Variants in FPR3 observed in about 807,000 individuals in gnomAD.
FPR3 encodes the protein formyl peptide receptor 3.
For synonymous variants in FPR3, 135 were observed against 163.6 expected, an observed-to-expected ratio of 0.83 and a Z score of 1.34; for missense variants, 346 against 443.2, an observed-to-expected ratio of 0.78 and a Z score of 1.97.
intron 1 of FPR3, among the ~76,000 whole-genome samples, chr19:51,810,846 T>C (rs1484298613): frequency 6.6e-6 from 1 of 152,176 alleles, no homozygotes; most frequent in Admixed American, 6.5e-5. Context: ...AATAACCTGC[T>C]GTGGATTGTT....
intron 1 of FPR3, among the ~76,000 whole-genome samples, chr19:51,819,860 A>G (rs993531618): frequency 3.9e-5 from 6 of 152,224 alleles, no homozygotes. Context: ...CTTGGTAACA[A>G]GAAGGATCTA....
intron 1 of FPR3, among the ~76,000 whole-genome samples, chr19:51,818,239 T>G (rs990170323): frequency 5.3e-5 from 8 of 152,230 alleles, no homozygotes; most frequent in Non-Finnish European, 1.2e-4. Flanking sequence ...ATTAATAATT[T>G]TTATTCTGAT....
chr19:51,807,133 G>T (rs1363849456), intron 1 of FPR3, among the ~76,000 whole-genome samples: 1 of 152,188 alleles, frequency 6.6e-6, no homozygotes, highest in African/African-American at 2.4e-5. Flanking sequence ...GAAGCGGTCA[G>T]GGGGCAGCTT....
chr19:51,800,859 A>C (rs183010337), intron 1 of FPR3, among the ~76,000 whole-genome samples: 1 of 152,334 alleles, frequency 6.6e-6, no homozygotes, highest in East Asian at 1.9e-4. Flanking sequence ...TAGGAAATAA[A>C]AAGTATATAA....
chr19:51,801,752 G>C (rs1354280056), intron 1 of FPR3, among the ~76,000 whole-genome samples: 1 of 152,236 alleles, frequency 6.6e-6, no homozygotes. Context: ...CTGCACTCCA[G>C]CTGCACGAAT....
intron 1 of FPR3, among the ~76,000 whole-genome samples, chr19:51,797,970 C>T (rs2084009790): frequency 7.0e-6 from 1 of 143,280 alleles, no homozygotes; most frequent in Non-Finnish European, 1.5e-5. Flanking sequence ...CAACCTCTGC[C>T]TCCTGGGTTC....
chr19:51,808,016 A>C (rs1352961699), intron 1 of FPR3, among the ~76,000 whole-genome samples: 2 of 152,266 alleles, frequency 1.3e-5, no homozygotes, highest in African/African-American at 2.4e-5. Context: ...AGTAGGGGGT[A>C]GGAAGAATAA....
intron 1 of FPR3, among the ~76,000 whole-genome samples, chr19:51,823,185 T>C (rs2084203541): frequency 6.6e-6 from 1 of 152,158 alleles, no homozygotes; most frequent in East Asian, 1.9e-4. Flanking sequence ...TATATGTCTA[T>C]ATATTACAAG....
chr19:51,807,159 T>C (rs1199806171), intron 1 of FPR3, among the ~76,000 whole-genome samples: 1 of 152,102 alleles, frequency 6.6e-6, no homozygotes, highest in Admixed American at 6.5e-5. Context: ...TAGTGGACAA[T>C]GGCCCTGAGC....
At chr19:51,807,475 G>A (rs756549671) in intron 1 of FPR3, among the ~76,000 whole-genome samples, 4 of 152,204 alleles carry the variant, frequency 2.6e-5, no homozygotes, top group African/African-American at 7.2e-5. Flanking sequence ...ATGGGCCTTC[G>A]GGTCCCTGCA....
chr19:51,800,183 G>A (rs1424648454), intron 1 of FPR3, among the ~76,000 whole-genome samples: 1 of 152,202 alleles, frequency 6.6e-6, no homozygotes, highest in East Asian at 1.9e-4. Context: ...GTGCTGCTGA[G>A]GCCAGTGCCT....
At chr19:51,821,470 C>T (rs1483903641) in intron 1 of FPR3, among the ~76,000 whole-genome samples, 4 of 152,086 alleles carry the variant, frequency 2.6e-5, no homozygotes, top group Admixed American at 1.3e-4. Flanking sequence ...ACAGAACAGT[C>T]CCCCACAACA....
At chr19:51,795,504 C>CTTTTTTTTTTTTTTTTTTTTTTTTTTTTT (rs58620565) in intron 1 of FPR3, among the ~76,000 whole-genome samples, 173 bp downstream of exon 1, 2 of 74,742 alleles carry the variant, frequency 2.7e-5, no homozygotes, top group Non-Finnish European at 4.6e-5. Context: ...CAGTAACATT[C>CTTTTTTTTTTTTTTTTTTTTTTTTTTTTT]TTTTTTTTTT....
rs1157586699 is a variant in FPR3, at chr19:51,825,240, A to C, written c.*430A>C. On this transcript the variant is annotated 3_prime_UTR_variant, in exon 2 of 2. Transcript: ENST00000339223. ...TATTATAAAAGCAAGGTTTATTATAAAAGATACTACAAAGGATACAGATGA... is the reference window on the plus strand; with the variant it reads ...TATTATAAAAGCAAGGTTTATTATACAAGATACTACAAAGGATACAGATGA... The C allele has an allele frequency of 5.5e-6, 1 of 183,276 alleles. No individual in the cohort carries two copies. The highest frequency in any genetic ancestry group is 1.3e-5 in the Non-Finnish European group (1 of 78,556). 11.4% of individuals were successfully genotyped at this position (183,276 alleles called of 1,614,324 possible). A position where few individuals can be genotyped will look rare whatever the true frequency, so the allele number is the denominator to read the frequency against.
At chr19:51,799,420 G>A (rs2084017040) in intron 1 of FPR3, among the ~76,000 whole-genome samples, 1 of 152,178 alleles carries the variant, frequency 6.6e-6, no homozygotes. Context: ...TAGCAGCTGA[G>A]TTGATAGAGA....
intron 1 of FPR3, among the ~76,000 whole-genome samples, chr19:51,815,061 C>T (rs1026924634): frequency 1.3e-5 from 2 of 152,126 alleles, no homozygotes; most frequent in Non-Finnish European, 2.9e-5. Flanking sequence ...CCGCCCACCT[C>T]GGCCTCCCAA....
chr19:51,816,869 C>T (rs181274090), intron 1 of FPR3, among the ~76,000 whole-genome samples: 141 of 152,320 alleles, frequency 9.3e-4, no homozygotes, highest in Non-Finnish European at 1.5e-3. Flanking sequence ...AAAGCCCACA[C>T]ATATGCTGTT....
At chr19:51,801,758 C>T (rs1268105611) in intron 1 of FPR3, among the ~76,000 whole-genome samples, 2 of 152,186 alleles carry the variant, frequency 1.3e-5, no homozygotes, top group South Asian at 2.1e-4. Context: ...TCCAGCTGCA[C>T]GAATTGACAA....
At chr19:51,823,691 G>T in intron 1 of FPR3, 48 bp from the exon 2 acceptor site, 1 of 1,390,032 alleles carries the variant, frequency 7.2e-7, no homozygotes, top group Non-Finnish European at 9.8e-7. Context: ...TAGTTGTATT[G>T]TAAGATGGTG....
Sources: gnomAD v4.1 joint callset for allele counts (sites outside exome capture counted in the v4.1 genomes callset) on GRCh38, gnomAD v4.1.1 for gene constraint, MANE v1.5 for transcripts, NCBI Gene and HGNC (gene_info 2026-07-23, HGNC 2026-07-21) for gene names.